The following INPP4B variants were observed in gnomAD, a reference collection of about 807,000 sequenced individuals.
INPP4B encodes the protein inositol polyphosphate-4-phosphatase type II B.
In INPP4B, 55 loss-of-function variants were observed where a neutral mutation model predicts 122.5. The observed-to-expected ratio is 0.45, with a 90% CI of 0.36 to 0.56. INPP4B has a LOEUF of 0.56. INPP4B is among the 20% of genes least tolerant of loss of function. The probability of loss-of-function intolerance (pLI) is 0.00; values close to 1 mark genes in which losing one functional copy is unlikely to be tolerated. For synonymous variants in INPP4B, 403 were observed against 388.7 expected (o/e 1.04, Z -0.43); for missense variants, 1,000 against 1,097.7 (o/e 0.91, Z 1.26).
intron 16 of INPP4B, among the ~76,000 whole-genome samples, chr4:142,162,456 G>A (rs1820596261): frequency 6.6e-6 from 1 of 151,770 alleles, no homozygotes; most frequent in South Asian, 2.1e-4. Context: ...AATATTAAAA[G>A]CATGAATTTA....
intron 16 of INPP4B, among the ~76,000 whole-genome samples, chr4:142,162,980 GA>G (rs1196373962): frequency 6.6e-6 from 1 of 151,768 alleles, no homozygotes; most frequent in Non-Finnish European, 1.5e-5. Context: ...CATGTAACCT[GA>G]AAAAAATTTA....
At chr4:142,077,086 A>G (rs778456318) in intron 25 of INPP4B, among the ~76,000 whole-genome samples, 6 of 152,046 alleles carry the variant, frequency 3.9e-5, no homozygotes, top group South Asian at 2.1e-4. Flanking sequence ...CAGATAAATT[A>G]CAGGCGCAAC....
chr4:142,556,819 T>A (rs755784582), intron 2 of INPP4B, among the ~76,000 whole-genome samples: 1 of 152,126 alleles, frequency 6.6e-6, no homozygotes, highest in Non-Finnish European at 1.5e-5. Flanking sequence ...AGCACGCAAA[T>A]TGCAGGGGAA....
intron 1 of INPP4B, among the ~76,000 whole-genome samples, chr4:142,748,865 C>T (rs1199600124): frequency 6.6e-6 from 1 of 151,932 alleles, no homozygotes; most frequent in Non-Finnish European, 1.5e-5. Context: ...ACAGGCCATG[C>T]ACAGTGGTGC....
intron 25 of INPP4B, among the ~76,000 whole-genome samples, chr4:142,042,970 T>TCAAA (rs2152342185): frequency 6.6e-6 from 1 of 152,258 alleles, no homozygotes; most frequent in East Asian, 1.9e-4. Context: ...TGGCTCAACA[T>TCAAA]CAAACACCAC....
At chr4:142,816,833 C>T (rs1245571285) in intron 1 of INPP4B, among the ~76,000 whole-genome samples, 2 of 152,038 alleles carry the variant, frequency 1.3e-5, no homozygotes, top group Non-Finnish European at 2.9e-5. Flanking sequence ...CCAAATACCA[C>T]TCTAGATATT....
At chr4:142,651,404 A>T (rs1382780716) in intron 2 of INPP4B, among the ~76,000 whole-genome samples, 2 of 152,330 alleles carry the variant, frequency 1.3e-5, no homozygotes, top group Non-Finnish European at 2.9e-5. Flanking sequence ...GACATAAAAA[A>T]TTCTTCAAAA....
At chr4:142,789,853 C>G (rs111562206) in intron 1 of INPP4B, among the ~76,000 whole-genome samples, 9,250 of 152,046 alleles carry the variant, frequency 0.061, 445 homozygotes, top group African/African-American at 0.13. Context: ...AGGCCATAAT[C>G]ACCAAAACAG....
intron 9 of INPP4B, among the ~76,000 whole-genome samples, chr4:142,296,775 T>G (rs1758886356): frequency 6.6e-6 from 1 of 152,244 alleles, no homozygotes; most frequent in Non-Finnish European, 1.5e-5. Context: ...CACATTTGCA[T>G]GCTTTGCATT....
At chr4:142,431,497 A>C in intron 3 of INPP4B, 112 bp from the exon 4 acceptor site, 1 of 514,202 alleles carries the variant, frequency 1.9e-6, no homozygotes, top group Non-Finnish European at 3.5e-6. Flanking sequence ...CTTCCTGCCT[A>C]CTCCACTCAT....
chr4:142,132,868 T>G (rs1802007007), intron 18 of INPP4B, among the ~76,000 whole-genome samples: 1 of 152,178 alleles, frequency 6.6e-6, no homozygotes, highest in African/African-American at 2.4e-5. Context: ...ACAATGAAAG[T>G]TCTCAAAAGA....
chr4:142,131,604 C>T (rs1801300384), intron 18 of INPP4B, among the ~76,000 whole-genome samples: 2 of 152,176 alleles, frequency 1.3e-5, no homozygotes, highest in East Asian at 1.9e-4. Flanking sequence ...GCTGAGTAAG[C>T]AGTCAAGTAA....
intron 21 of INPP4B, among the ~76,000 whole-genome samples, chr4:142,121,173 G>T (rs1053519029): frequency 6.6e-6 from 1 of 152,054 alleles, no homozygotes; most frequent in Non-Finnish European, 1.5e-5. Flanking sequence ...TCTCCCAAAT[G>T]AATGGCAAGT....
At chr4:142,753,754 A>G (rs1580839478) in intron 1 of INPP4B, among the ~76,000 whole-genome samples, 1 of 152,202 alleles carries the variant, frequency 6.6e-6, no homozygotes, top group Non-Finnish European at 1.5e-5. Context: ...CTATGTACAA[A>G]AAAGATGAGC....
At chr4:142,730,131 C>T (rs1344035267) in intron 1 of INPP4B, among the ~76,000 whole-genome samples, 1 of 152,150 alleles carries the variant, frequency 6.6e-6, no homozygotes, top group East Asian at 1.9e-4. Flanking sequence ...TTCCTTTCAT[C>T]TCCAGATCTC....
chr4:142,086,376 G>GA, intron 23 of INPP4B, 120 bp from the exon 24 acceptor site: 1 of 634,230 alleles, frequency 1.6e-6, no homozygotes, highest in Non-Finnish European at 2.8e-6. Context: ...GCAGGGTCTT[G>GA]CTCTGCCTAC....
chr4:142,447,932 G>T (rs1014002689), intron 3 of INPP4B, among the ~76,000 whole-genome samples: 2 of 152,190 alleles, frequency 1.3e-5, no homozygotes, highest in Non-Finnish European at 2.9e-5. Context: ...ATTCCCCAAA[G>T]AAGTGGAAGG....
intron 18 of INPP4B, among the ~76,000 whole-genome samples, chr4:142,127,240 A>C (rs191577813): frequency 6.6e-6 from 1 of 152,312 alleles, no homozygotes; most frequent in East Asian, 1.9e-4. Context: ...TCAATACTTT[A>C]TATGATTTTT....
At chr4:142,393,388 A>C (rs997381225) in intron 7 of INPP4B, among the ~76,000 whole-genome samples, 4 of 152,238 alleles carry the variant, frequency 2.6e-5, no homozygotes, top group African/African-American at 9.6e-5. Flanking sequence ...ATCCTAGAAC[A>C]GACCAGGTTT....
Sources: gnomAD v4.1 joint callset for allele counts (sites outside exome capture counted in the v4.1 genomes callset) on GRCh38, gnomAD v4.1.1 for gene constraint, MANE v1.5 for transcripts, NCBI Gene and HGNC (gene_info 2026-07-23, HGNC 2026-07-21) for gene names.